The following ARHGEF26 variants were observed in gnomAD, a reference collection of about 807,000 sequenced individuals.
The protein encoded by ARHGEF26 is Rho guanine nucleotide exchange factor (GEF) 26.
ARHGEF26 carries 59 observed loss-of-function variants against 89.4 expected under a neutral mutation model. The ratio of observed to expected loss-of-function variants is 0.66; its 90% CI spans 0.54 to 0.82. ARHGEF26 has a LOEUF of 0.82. Among genes scored for constraint, ARHGEF26 ranks in the 40% least tolerant of loss-of-function variants. The pLI is 0.00. For synonymous variants in ARHGEF26, 500 were observed against 428.4 expected (o/e 1.17, Z -2.06); for missense variants, 1,234 against 1,085.6 (o/e 1.14, Z -1.92).
chr3:154,165,074 A>G (rs987901883), intron 6 of ARHGEF26, among the ~76,000 whole-genome samples: 10 of 152,126 alleles, frequency 6.6e-5, no homozygotes, highest in African/African-American at 2.4e-4. Context: ...AGGATCTCAT[A>G]TGGTCGTTTG....
At chr3:154,242,116 A>G (rs1294476227) in intron 12 of ARHGEF26, among the ~76,000 whole-genome samples, 4 of 152,222 alleles carry the variant, frequency 2.6e-5, no homozygotes, top group Admixed American at 2.6e-4. Context: ...AGAAAAAACC[A>G]AGGACAGGTT....
chr3:154,160,105 A>G (rs1395031800), intron 6 of ARHGEF26, among the ~76,000 whole-genome samples: 1 of 152,160 alleles, frequency 6.6e-6, no homozygotes, highest in Non-Finnish European at 1.5e-5. Flanking sequence ...AGACAGTGAC[A>G]TTCAGAAGCC....
At position 154,211,599 on chromosome 3, in the gene ARHGEF26, C is replaced by T. The variant is rs534691360; in HGVS notation, c.1846-6270C>T. 3.9e-5 allele frequency among the ~76,000 whole-genome samples: 6 copies of T among 152,188 alleles called. No individual in the cohort carries two copies. The South Asian group carries it at 6.2e-4, about 16-fold the overall frequency. On this transcript the variant is annotated intron_variant, in intron 9 of 14. Coordinates refer to ENST00000465093, the MANE Select transcript of ARHGEF26 (RefSeq NM_015595.4). The stretch of plus-strand genomic sequence containing the variant: ...CTTTTCAGCAATACGAAGATAAAAC[C>T]AGGTACTGAGAGCTCACCTAAGTTT...
chr3:154,198,097 C>T (rs1331097522), intron 9 of ARHGEF26, among the ~76,000 whole-genome samples: 1 of 152,070 alleles, frequency 6.6e-6, no homozygotes, highest in Non-Finnish European at 1.5e-5. Context: ...CAAAGAAGTA[C>T]ATGTGTATGA....
intron 9 of ARHGEF26, among the ~76,000 whole-genome samples, chr3:154,215,292 T>A (rs931803895): frequency 6.6e-6 from 1 of 152,152 alleles, no homozygotes; most frequent in African/African-American, 2.4e-5. Flanking sequence ...TACTTCTCCT[T>A]CAGCTTTCAG....
chr3:154,254,958 CTG>C (rs1399730981), intron 14 of ARHGEF26, 134 bp downstream of exon 14: 1 of 752,508 alleles, frequency 1.3e-6, no homozygotes, highest in East Asian at 2.5e-5. Context: ...CATATATGTA[CTG>C]TCTTCTCATC....
chr3:154,131,131 C>T (rs967723045), intron 4 of ARHGEF26, among the ~76,000 whole-genome samples: 2 of 152,056 alleles, frequency 1.3e-5, no homozygotes, highest in Non-Finnish European at 2.9e-5. Context: ...TTCACAGTGT[C>T]AGGGGAAGTA....
intron 13 of ARHGEF26, among the ~76,000 whole-genome samples, chr3:154,253,676 G>A (rs371278954): frequency 3.3e-5 from 5 of 152,160 alleles, no homozygotes; most frequent in African/African-American, 1.2e-4. Flanking sequence ...AAGAAAGTGT[G>A]TTTCACTATT....
intron 14 of ARHGEF26, 54 bp from the exon 15 acceptor site, chr3:154,255,277 C>G (rs575743404): frequency 6.4e-7 from 1 of 1,562,260 alleles, no homozygotes; most frequent in African/African-American, 1.4e-5. Flanking sequence ...ATCCTTGGAG[C>G]CTGGCACACT....
chr3:154,206,737 T>C (rs575267837), intron 9 of ARHGEF26, among the ~76,000 whole-genome samples: 2 of 152,292 alleles, frequency 1.3e-5, no homozygotes, highest in South Asian at 4.1e-4. Flanking sequence ...GCCATTACAT[T>C]CTTCACAGAA....
chr3:154,208,694 A>G (rs1235866589), intron 9 of ARHGEF26, among the ~76,000 whole-genome samples: 3 of 149,642 alleles, frequency 2.0e-5, no homozygotes, highest in Non-Finnish European at 3.0e-5. Context: ...CAAGCTCACT[A>G]ATTTTTTCTT....
intron 9 of ARHGEF26, among the ~76,000 whole-genome samples, chr3:154,196,333 A>G (rs192379102): frequency 0.011 from 1,629 of 152,278 alleles, 24 homozygotes; most frequent in African/African-American, 0.037. Context: ...AGAGGAAGCA[A>G]TAGAAGGTGT....
At chr3:154,216,485 T>TA (rs1715735809) in intron 9 of ARHGEF26, among the ~76,000 whole-genome samples, 2 of 26,832 alleles carry the variant, frequency 7.5e-5, no homozygotes, top group Non-Finnish European at 6.4e-5. Context: ...CTTGTTTTTT[T>TA]TTTTTTATTT....
intron 6 of ARHGEF26, among the ~76,000 whole-genome samples, chr3:154,158,491 A>G (rs1711504024): frequency 6.6e-6 from 1 of 152,116 alleles, no homozygotes; most frequent in African/African-American, 2.4e-5. Context: ...ATTAGAGCTA[A>G]ATTCTTTAAA....
At chr3:154,181,687 G>GCAATC (rs1474204651) in intron 6 of ARHGEF26, among the ~76,000 whole-genome samples, 2 of 152,088 alleles carry the variant, frequency 1.3e-5, no homozygotes, top group Non-Finnish European at 2.9e-5. Context: ...AGATTGGACT[G>GCAATC]GGTCTCTCTT....
intron 6 of ARHGEF26, among the ~76,000 whole-genome samples, chr3:154,181,608 C>G (rs1713189616): frequency 6.6e-6 from 1 of 152,122 alleles, no homozygotes; most frequent in Non-Finnish European, 1.5e-5. Flanking sequence ...TGTCATCCTT[C>G]TGAATTGGAT....
At chr3:154,246,421 A>T (rs981912571) in intron 12 of ARHGEF26, among the ~76,000 whole-genome samples, 1 of 152,198 alleles carries the variant, frequency 6.6e-6, no homozygotes, top group Non-Finnish European at 1.5e-5. Flanking sequence ...GTGGGCCATC[A>T]GTCCTCAAGT....
chr3:154,130,095 C>G (rs2108048306), intron 4 of ARHGEF26, among the ~76,000 whole-genome samples: 1 of 150,044 alleles, frequency 6.7e-6, no homozygotes. Flanking sequence ...ATGTATGTAC[C>G]TGTATATGTA....
chr3:154,204,151 T>A (rs1714849244), intron 9 of ARHGEF26, among the ~76,000 whole-genome samples: 1 of 152,050 alleles, frequency 6.6e-6, no homozygotes, highest in Non-Finnish European at 1.5e-5. Context: ...GGAGACTTGT[T>A]ATTACAGCTT....
Sources: gnomAD v4.1 joint callset for allele counts (sites outside exome capture counted in the v4.1 genomes callset) on GRCh38, gnomAD v4.1.1 for gene constraint, MANE v1.5 for transcripts, NCBI Gene and HGNC (gene_info 2026-07-23, HGNC 2026-07-21) for gene names.